KBTBD11: variants seen among roughly 807,000 people sequenced by gnomAD.
KBTBD11 encodes kelch repeat and BTB domain containing 11.
For missense variants in KBTBD11, 1,390 were observed against 1,001.8 expected (o/e 1.39, Z -5.23); for synonymous variants, 747 against 499.0 (o/e 1.50, Z -6.63).
At chr8:1,977,179 A>C (rs1816376390) in intron 1 of KBTBD11, among the ~76,000 whole-genome samples, 1 of 152,098 alleles carries the variant, frequency 6.6e-6, no homozygotes, top group African/African-American at 2.4e-5. Flanking sequence ...GGAAGCCAAA[A>C]GATTGGAGAC....
intron 1 of KBTBD11, among the ~76,000 whole-genome samples, chr8:1,976,638 G>A (rs1007273111): frequency 6.6e-6 from 1 of 151,940 alleles, no homozygotes; most frequent in Non-Finnish European, 1.5e-5. Context: ...AGTCAGCCTA[G>A]TTCTCTGCTA....
chr8:1,995,279 T>G (rs1817096115), intron 1 of KBTBD11, among the ~76,000 whole-genome samples: 1 of 152,044 alleles, frequency 6.6e-6, no homozygotes, highest in Middle Eastern at 3.2e-3. Flanking sequence ...AGTATCTCGT[T>G]GCTTGAACCA....
At chr8:1,978,596 C>T (rs866636450) in intron 1 of KBTBD11, among the ~76,000 whole-genome samples, 1 of 152,206 alleles carries the variant, frequency 6.6e-6, no homozygotes, top group Non-Finnish European at 1.5e-5. Context: ...AACCGGGTCA[C>T]CTTTCTCACG....
At chr8:1,984,972 C>T (rs1251164419) in intron 1 of KBTBD11, among the ~76,000 whole-genome samples, 1 of 152,186 alleles carries the variant, frequency 6.6e-6, no homozygotes, top group Non-Finnish European at 1.5e-5. Flanking sequence ...AGGTCATGTG[C>T]TTTTGAATCA....
chr8:1,974,270 T>TC, intron 1 of KBTBD11: 2 of 978,642 alleles, frequency 2.0e-6, no homozygotes, highest in Non-Finnish European at 2.4e-6. Context: ...CCACAGGCCC[T>TC]CCCCCGGGAC....
At chr8:1,990,572 C>A (rs1297590007) in intron 1 of KBTBD11, among the ~76,000 whole-genome samples, 1 of 22,234 alleles carries the variant, frequency 4.5e-5, no homozygotes. Context: ...CGGGTAGATG[C>A]TGCGGGGCCT....
rs747739939 is a variant in KBTBD11, at chr8:2,001,546, G to C, written c.354G>C (p.Ala118=). 5.2e-4 allele frequency: 752 copies of C among 1,435,086 alleles called. No individual in the cohort carries two copies. Among genetic ancestry groups the C allele is most frequent in the Non-Finnish European group, 6.5e-4 (716 of 1,099,916 alleles). 88.9% of individuals were successfully genotyped at this position (1,435,086 alleles called of 1,614,324 possible). A position where few individuals can be genotyped will look rare whatever the true frequency, so the allele number is the denominator to read the frequency against. Reference sequence around the variant, plus strand: ...CGCGCGTTTGGCTTGAGGACCCCGCGTCCCCCGAGGAGCCCGGGGAGCCCG... The same window carrying C: ...CGCGCGTTTGGCTTGAGGACCCCGCCTCCCCCGAGGAGCCCGGGGAGCCCG... ...PEPRVWLEDP[A]SPEEPGEPAP... is the part of the protein sequence containing the mutation. Residue 118 remains alanine, a synonymous_variant, in exon 2 of 2, where the codon GCG becomes GCC. Coordinates refer to ENST00000320248, the MANE Select transcript of KBTBD11 (RefSeq NM_014867.3).
chr8:1,980,145 A>G (rs1461056569), intron 1 of KBTBD11, among the ~76,000 whole-genome samples: 1 of 151,622 alleles, frequency 6.6e-6, no homozygotes, highest in Non-Finnish European at 1.5e-5. Flanking sequence ...GGGATTTGAT[A>G]TTTTGAGGAC....
chr8:1,982,077 A>G (rs1398031926), intron 1 of KBTBD11, among the ~76,000 whole-genome samples: 1 of 152,242 alleles, frequency 6.6e-6, no homozygotes, highest in Non-Finnish European at 1.5e-5. Context: ...AGGGATATAC[A>G]GCACAAAAAG....
intron 1 of KBTBD11, among the ~76,000 whole-genome samples, chr8:1,978,018 G>T (rs1816408267): frequency 6.6e-6 from 1 of 152,188 alleles, no homozygotes; most frequent in African/African-American, 2.4e-5. Context: ...ATTTTAAGTT[G>T]CAGGGTACAT....
At chr8:1,984,572 C>T (rs941123683) in intron 1 of KBTBD11, among the ~76,000 whole-genome samples, 2 of 152,070 alleles carry the variant, frequency 1.3e-5, no homozygotes, top group African/African-American at 4.8e-5. Context: ...CAGGCATGAG[C>T]CTCCACGCGT....
At chr8:1,980,787 G>C (rs10102569) in intron 1 of KBTBD11, among the ~76,000 whole-genome samples, 122,295 of 152,208 alleles carry the variant, frequency 0.8, 49,454 homozygotes, top group African/African-American at 0.89. Context: ...TGTCTTTTCT[G>C]AGAGAGTGCC....
At chr8:1,999,251 G>T (rs6558575) in intron 1 of KBTBD11, among the ~76,000 whole-genome samples, 144,017 of 152,218 alleles carry the variant, frequency 0.95, 68,172 homozygotes, top group East Asian at 1. Flanking sequence ...AGGGACAGAG[G>T]GACAGGAAGA....
chr8:1,993,650 T>C (rs1461659797), intron 1 of KBTBD11, among the ~76,000 whole-genome samples: 2 of 151,636 alleles, frequency 1.3e-5, no homozygotes, highest in Non-Finnish European at 2.9e-5. Flanking sequence ...TCCTCCTTTC[T>C]GTGAATTTTA....
chr8:1,989,295 C>G (rs1180733998), intron 1 of KBTBD11, among the ~76,000 whole-genome samples: 2 of 152,212 alleles, frequency 1.3e-5, no homozygotes, highest in Non-Finnish European at 2.9e-5. Flanking sequence ...ATCAAAGGCT[C>G]TTTTGAATGA....
At chr8:1,999,849 A>G (rs953441678) in intron 1 of KBTBD11, among the ~76,000 whole-genome samples, 1 of 152,256 alleles carries the variant, frequency 6.6e-6, no homozygotes, top group African/African-American at 2.4e-5. Flanking sequence ...TGATCTGTTA[A>G]TAAATTAATA....
intron 1 of KBTBD11, among the ~76,000 whole-genome samples, chr8:1,990,090 G>A (rs60391037): frequency 0.11 from 15,990 of 152,186 alleles, 1,808 homozygotes; most frequent in African/African-American, 0.29. Context: ...TTCATTTATG[G>A]AATGAAGACG....
chr8:1,974,147 G>A (rs552728828), intron 1 of KBTBD11, among the ~76,000 whole-genome samples: 1 of 122,138 alleles, frequency 8.2e-6, no homozygotes, highest in South Asian at 3.3e-4. Context: ...GGGGAGGGGG[G>A]ACCGGGAGAG....
Position 2,003,057 on chromosome 8 carries a change from C to A in KBTBD11, c.1865C>A (p.Ala622Asp). 7.9e-7 allele frequency: 1 copy of A among 1,264,230 alleles called. No homozygotes were observed. 78.3% of individuals were successfully genotyped at this position (1,264,230 alleles called of 1,614,324 possible). The change falls in exon 2 of 2, where the codon GCC becomes GAC. Residue 622 changes from alanine to aspartate, a missense_variant. Physicochemically the swap from Ala to Asp is moderately radical, Grantham distance 126 (BLOSUM62 -2). Transcript: ENST00000320248. Reference protein sequence around the residue: ...PEKPPRGEQGAP With the variant: ...PEKPPRGEQGDP ...AAGCCGCCCCGAGGGGAGCAGGGCG[C>A]CCCGTAGGCCGGCGGGGTCGGCGGG... is the stretch of plus-strand genomic sequence containing the variant.
Sources: allele counts gnomAD v4.1 joint callset (sites outside exome capture counted in the v4.1 genomes callset), GRCh38; gene constraint gnomAD v4.1.1; transcripts MANE v1.5; gene names NCBI Gene and HGNC (gene_info 2026-07-23, HGNC 2026-07-21).